Variants in WDR41 observed in about 807,000 individuals in gnomAD.
WDR41 encodes the protein WD repeat-containing protein 41.
Under a neutral mutation model 69.3 loss-of-function variants are expected in WDR41, and 63 were observed. That is an observed-to-expected ratio of 0.91 (90% CI 0.74 to 1.12). The LOEUF is 1.12. Among genes scored for constraint, WDR41 ranks in the 50% most tolerant of loss-of-function variants. The pLI, the probability that WDR41 is intolerant of heterozygous loss-of-function variation, is 0.00. For synonymous variants in WDR41, 185 were observed against 192.1 expected (o/e 0.96, Z 0.31); for missense variants, 543 against 534.5 (o/e 1.02, Z -0.16).
chr5:77,511,884 C>T (rs1802208711), intron 1 of WDR41, among the ~76,000 whole-genome samples: 1 of 151,858 alleles, frequency 6.6e-6, no homozygotes, highest in African/African-American at 2.4e-5. Context: ...CTAATTATTA[C>T]TACTACGGAT....
chr5:77,480,698 T>C (rs1325624602), intron 2 of WDR41, among the ~76,000 whole-genome samples: 1 of 138,862 alleles, frequency 7.2e-6, no homozygotes, highest in East Asian at 2.6e-4. Flanking sequence ...GGGGGAGGGA[T>C]AGCACTGGGA....
intron 1 of WDR41, among the ~76,000 whole-genome samples, chr5:77,617,702 T>C (rs1744703402): frequency 6.6e-6 from 1 of 152,086 alleles, no homozygotes; most frequent in African/African-American, 2.4e-5. Context: ...TGTCAAAGGA[T>C]TGAAAGGGAA....
chr5:77,595,863 C>T (rs1315867120), intron 1 of WDR41, among the ~76,000 whole-genome samples: 1 of 152,154 alleles, frequency 6.6e-6, no homozygotes, highest in African/African-American at 2.4e-5. Context: ...TATGGAACAT[C>T]AGTTTAACTA....
chr5:77,595,714 C>A (rs1476018763), intron 1 of WDR41, among the ~76,000 whole-genome samples: 2 of 152,148 alleles, frequency 1.3e-5, no homozygotes, highest in Non-Finnish European at 2.9e-5. Context: ...TTTCCACAAA[C>A]AAATTAACCA....
At chr5:77,456,179 A>C (rs1299815481) in intron 5 of WDR41, among the ~76,000 whole-genome samples, 1 of 152,050 alleles carries the variant, frequency 6.6e-6, no homozygotes, top group East Asian at 1.9e-4. Flanking sequence ...TACTACTTCA[A>C]ATTTCTTTTA....
At chr5:77,492,853 T>A (rs531635739), upstream of WDR41, among the ~76,000 whole-genome samples, 92 of 152,356 alleles carry the variant, frequency 6.0e-4, no homozygotes, top group Non-Finnish European at 1.2e-3. Flanking sequence ...GGTAAACCTA[T>A]ATCCTCTATT....
chr5:77,453,664 C>T (rs952174883), intron 6 of WDR41, 153 bp downstream of exon 6: 33 of 615,916 alleles, frequency 5.4e-5, no homozygotes, highest in East Asian at 1.9e-4. Flanking sequence ...TACACAACCC[C>T]GATCTGAATT....
chr5:77,503,576 C>T (rs536908935), intron 1 of WDR41, among the ~76,000 whole-genome samples: 17 of 152,128 alleles, frequency 1.1e-4, no homozygotes, highest in Non-Finnish European at 1.5e-4. Flanking sequence ...AATGTACATT[C>T]TTCTCAGCAC....
In WDR41 at chr5:77,481,514, T is replaced by C. The variant is rs540988965; in HGVS notation, c.167+7943A>G. 2.0e-5 allele frequency among the ~76,000 whole-genome samples: 3 copies of C among 152,160 alleles called. No homozygotes were observed. In the East Asian group the frequency reaches 5.8e-4, roughly 30 times the overall value. On this transcript the variant is annotated intron_variant, in intron 2 of 12. Transcript: ENST00000296679. Reference sequence around the variant, plus strand: ...ATTAAAGCCACATCCTGGCTGGGTTTGGTAGCTCACACCTGTAATCCCAGC... The same window carrying C: ...ATTAAAGCCACATCCTGGCTGGGTTCGGTAGCTCACACCTGTAATCCCAGC...
At chr5:77,483,349 C>T (rs72769070) in intron 2 of WDR41, among the ~76,000 whole-genome samples, 2,753 of 152,000 alleles carry the variant, frequency 0.018, 35 homozygotes, top group Middle Eastern at 0.061. Context: ...ATGTTGCCCA[C>T]GCTAGCCTCA....
At chr5:77,620,219 C>A (rs900215878) in intron 1 of WDR41, among the ~76,000 whole-genome samples, 5 of 152,068 alleles carry the variant, frequency 3.3e-5, no homozygotes, top group Non-Finnish European at 7.4e-5. Flanking sequence ...AAACTCTACC[C>A]ACAACATCAC....
At chr5:77,582,664 G>A (rs935806833) in intron 1 of WDR41, 5 of 1,601,284 alleles carry the variant, frequency 3.1e-6, no homozygotes, top group Non-Finnish European at 4.2e-6. Context: ...CAGAATCAGA[G>A]GTATCAGTGC....
At chr5:77,539,430 G>A (rs1173719585) in intron 1 of WDR41, among the ~76,000 whole-genome samples, 1 of 152,122 alleles carries the variant, frequency 6.6e-6, no homozygotes, top group East Asian at 1.9e-4. Context: ...AATGTATATT[G>A]TGATTCAGTA....
intron 1 of WDR41, among the ~76,000 whole-genome samples, chr5:77,515,349 A>C (rs1802277376): frequency 1.3e-5 from 2 of 152,174 alleles, no homozygotes; most frequent in Admixed American, 6.5e-5. Flanking sequence ...CAATATCACT[A>C]TCTTCCACTT....
chr5:77,457,356 C>T (rs1323598541), intron 5 of WDR41, among the ~76,000 whole-genome samples: 5 of 152,090 alleles, frequency 3.3e-5, no homozygotes, highest in Non-Finnish European at 5.9e-5. Flanking sequence ...TTACCACTAG[C>T]ATTTTCCTCT....
chr5:77,599,354 C>T (rs961309499), intron 1 of WDR41, among the ~76,000 whole-genome samples: 1 of 152,002 alleles, frequency 6.6e-6, no homozygotes, highest in Non-Finnish European at 1.5e-5. Flanking sequence ...GCATCTGCCA[C>T]CAAGCCTGGC....
At chr5:77,579,066 A>T (rs1185407364) in intron 1 of WDR41, among the ~76,000 whole-genome samples, 3 of 152,072 alleles carry the variant, frequency 2.0e-5, no homozygotes, top group African/African-American at 4.8e-5. Flanking sequence ...AAAACAGTGA[A>T]CTTGAAGGTA....
Position 77,449,846 on chromosome 5 carries a change from G to A in WDR41, c.611C>T (p.Thr204Ile), listed in dbSNP as rs139030011. ...AATATCCCATTCTAGTGATCCTTCT[G>A]TGGGTGCTACCAACCTGAAAATTAC... ...ELIIFRLVAP[T>I]EGSLEWDILE... is the part of the protein sequence containing the mutation. Residue 204 changes from threonine to isoleucine, a missense_variant, in exon 8 of 13, where the codon ACA (threonine) becomes ATA (isoleucine). Physicochemically the swap from Thr to Ile is moderately conservative, Grantham distance 89 (BLOSUM62 -1). Transcript: ENST00000296679. 1 of 1,613,314 alleles carries A rather than the reference G, an allele frequency of 6.2e-7. No individual in the cohort carries two copies. Among genetic ancestry groups the A allele is most frequent in the Non-Finnish European group, 8.5e-7 (1 of 1,179,432 alleles).
At chr5:77,610,486 GT>G (rs1024530495) in intron 1 of WDR41, among the ~76,000 whole-genome samples, 1 of 152,196 alleles carries the variant, frequency 6.6e-6, no homozygotes, top group African/African-American at 2.4e-5. Context: ...CCAGAAGAGA[GT>G]GGGGGCCAAT....
Sources: allele counts gnomAD v4.1 joint callset (sites outside exome capture counted in the v4.1 genomes callset), GRCh38; gene constraint gnomAD v4.1.1; transcripts MANE v1.5; gene names NCBI Gene and HGNC (gene_info 2026-07-23, HGNC 2026-07-21).